The following CLNS1A variants were observed in gnomAD, a reference collection of about 807,000 sequenced individuals.
CLNS1A encodes the protein methylosome subunit pICln.
In CLNS1A, 16 loss-of-function variants were observed where a neutral mutation model predicts 29.4. That is an observed-to-expected ratio of 0.54 (90% CI 0.37 to 0.83). The LOEUF (loss-of-function observed/expected upper bound fraction) is 0.83. Ranked by LOEUF, CLNS1A falls within the 40% of genes least tolerant of loss-of-function variation. The pLI is 0.00. For missense variants in CLNS1A, 235 were observed against 287.4 expected, an observed-to-expected ratio of 0.82 and a Z score of 1.32; for synonymous variants, 96 against 104.8, an observed-to-expected ratio of 0.92 and a Z score of 0.51.
chr11:77,625,194 A>G, intron 3 of CLNS1A, 124 bp from the exon 4 acceptor site: 1 of 659,920 alleles, frequency 1.5e-6, no homozygotes, highest in Non-Finnish European at 2.7e-6. Flanking sequence ...TTGTAAGATC[A>G]ATCTTGAAAG....
In CLNS1A at chr11:77,614,776, C is replaced by A. The variant is rs1958894801; in HGVS notation, c.*1942G>T. 1 of 152,138 alleles carries A rather than the reference C, an allele frequency of 6.6e-6. No individual in the cohort carries two copies. The highest frequency in any genetic ancestry group is 2.4e-5 in the African/African-American group (1 of 41,374). 9.4% of individuals were successfully genotyped at this position (152,138 alleles called of 1,614,324 possible). A position where few individuals can be genotyped will look rare whatever the true frequency, so the allele number is the denominator to read the frequency against. The stretch of plus-strand genomic sequence containing the variant: ...AAATGTCTATGTACCTTTAAAGTGT[C>A]TCTACATCAGGAACACACAAAGAAA... On this transcript the variant is annotated 3_prime_UTR_variant, in exon 7 of 7. Coordinates refer to ENST00000525428, the MANE Select transcript of CLNS1A (RefSeq NM_001293.3).
At chr11:77,619,581 A>G (rs377556382) in intron 6 of CLNS1A, 25 bp downstream of exon 6, 1 of 1,345,334 alleles carries the variant, frequency 7.4e-7, no homozygotes, top group Non-Finnish European at 1.1e-6. Context: ...ATGATCAGCG[A>G]CAAGGGAGAA....
At position 77,619,677 on chromosome 11, in the gene CLNS1A, G is replaced by A; in HGVS notation, c.665C>T (p.Thr222Ile). 1 of 1,613,492 alleles carries A rather than the reference G, an allele frequency of 6.2e-7. No homozygotes were observed. The highest frequency in any genetic ancestry group is 8.5e-7 in the Non-Finnish European group (1 of 1,179,516). ...RDYEDGMEVDTTPTVAGQFED... is the reference protein window; with the variant it reads ...RDYEDGMEVDITPTVAGQFED... ...AAACTGTCCAGCAACTGTTGGTGTGGTATCCACCTCCATCCCATCTAAACA... is the reference window on the plus strand; with the variant it reads ...AAACTGTCCAGCAACTGTTGGTGTGATATCCACCTCCATCCCATCTAAACA... The change falls in exon 6 of 7, where the codon ACC becomes ATC. Residue 222 changes from threonine to isoleucine, a missense_variant. Physicochemically the swap from Thr to Ile is moderately conservative, Grantham distance 89. Transcript: ENST00000525428.
chr11:77,635,876 T>C (rs1959119823), intron 1 of CLNS1A, among the ~76,000 whole-genome samples: 1 of 152,222 alleles, frequency 6.6e-6, no homozygotes, highest in South Asian at 2.1e-4. Context: ...CTTCACATTT[T>C]GTTTTGACTG....
intron 6 of CLNS1A, chr11:77,618,419 C>T (rs1958925045): frequency 6.6e-6 from 1 of 152,158 alleles, no homozygotes; most frequent in South Asian, 2.1e-4. Context: ...GTGATGTGAA[C>T]ACATGATTTT....
intron 3 of CLNS1A, chr11:77,625,329 T>C (rs942696292): frequency 2.0e-6 from 1 of 500,292 alleles, no homozygotes. Flanking sequence ...ACTGCTGGCA[T>C]CAGGGTGAAG....
intron 2 of CLNS1A, among the ~76,000 whole-genome samples, chr11:77,629,230 GAATTCT>G (rs997709638): frequency 3.9e-5 from 6 of 152,214 alleles, no homozygotes; most frequent in African/African-American, 1.4e-4. Context: ...AATAAATGAA[GAATTCT>G]AAGTGTAAAT....
In CLNS1A at chr11:77,626,505, G is replaced by A. The variant is rs940601273; in HGVS notation, c.263-687C>T. Reference sequence around the variant, plus strand: ...AATACAAAAATTAGCAAGGCGTGGTGGCAGGCGCCTATAATCCCAGCTACT... The same window carrying A: ...AATACAAAAATTAGCAAGGCGTGGTAGCAGGCGCCTATAATCCCAGCTACT... On this transcript the variant is annotated intron_variant, in intron 2 of 6. Transcript: ENST00000525428. Among the ~76,000 whole-genome samples the A allele has an allele frequency of 4.6e-5, 7 of 152,116 alleles. No individual in the cohort carries two copies. In the East Asian group the frequency reaches 9.9e-4, roughly 21 times the overall value.
chr11:77,635,099 C>G (rs72945586), intron 1 of CLNS1A, among the ~76,000 whole-genome samples: 24,509 of 152,054 alleles, frequency 0.16, 2,355 homozygotes, highest in African/African-American at 0.24. Context: ...GCCACCTTGC[C>G]CAGGCTAAGA....
chr11:77,629,991 T>C (rs752110750), intron 1 of CLNS1A, 92 bp from the exon 2 acceptor site: 20 of 1,029,826 alleles, frequency 1.9e-5, no homozygotes, highest in African/African-American at 1.8e-4. Flanking sequence ...GACACCTTTA[T>C]GCATATAAAT....
intron 1 of CLNS1A, among the ~76,000 whole-genome samples, chr11:77,632,806 C>T (rs1188209890): frequency 3.3e-5 from 5 of 151,836 alleles, no homozygotes; most frequent in South Asian, 2.1e-4. Flanking sequence ...CATTATAAGC[C>T]GAGCGTGGTG....
chr11:77,634,620 A>C (rs895729790), intron 1 of CLNS1A, among the ~76,000 whole-genome samples: 9 of 149,606 alleles, frequency 6.0e-5, no homozygotes, highest in African/African-American at 2.2e-4. Flanking sequence ...GCTACTCAGG[A>C]GGCTGAGGCA....
intron 2 of CLNS1A, among the ~76,000 whole-genome samples, chr11:77,626,031 C>T (rs1292741587): frequency 6.6e-6 from 1 of 152,122 alleles, no homozygotes; most frequent in Non-Finnish European, 1.5e-5. Context: ...CTTGGCCTCC[C>T]AAAGTGCTCC....
At chr11:77,623,031 T>C (rs1435507739) in intron 4 of CLNS1A, among the ~76,000 whole-genome samples, 1 of 151,864 alleles carries the variant, frequency 6.6e-6, no homozygotes, top group Non-Finnish European at 1.5e-5. Flanking sequence ...GAACATTTAT[T>C]TATACACACA....
At chr11:77,625,593 A>C (rs1210585232) in intron 3 of CLNS1A, 124 bp downstream of exon 3, 5 of 773,150 alleles carry the variant, frequency 6.5e-6, no homozygotes, top group Non-Finnish European at 9.9e-6. Flanking sequence ...AATAAAGAAA[A>C]AGCAATAGAA....
intron 1 of CLNS1A, among the ~76,000 whole-genome samples, chr11:77,630,524 G>C (rs1273073078): frequency 6.6e-6 from 1 of 152,106 alleles, no homozygotes; most frequent in East Asian, 1.9e-4. Flanking sequence ...CCGCAAGTCA[G>C]GAAATAATTA....
In CLNS1A at chr11:77,616,116, CTCATTAATG is replaced by C. The variant is rs1958903891; in HGVS notation, c.*593_*601del. The C allele has an allele frequency of 6.6e-6, 1 of 152,160 alleles. No individual in the cohort carries two copies. Among genetic ancestry groups the C allele is most frequent in the African/African-American group, 2.4e-5 (1 of 41,430 alleles). 9.4% of individuals were successfully genotyped at this position (152,160 alleles called of 1,614,324 possible). On this transcript the variant is annotated 3_prime_UTR_variant, in exon 7 of 7. Transcript: ENST00000525428. ...CAGCATTATTTTTTAAAAAACATTTCTCATTAATGGTTTTAGTCAAGAATGAGAGCAAAG... is the reference window on the plus strand; with the variant it reads ...CAGCATTATTTTTTAAAAAACATTTCGTTTTAGTCAAGAATGAGAGCAAAG...
intron 6 of CLNS1A, among the ~76,000 whole-genome samples, chr11:77,617,598 GA>G (rs1413053343): frequency 6.6e-6 from 1 of 151,190 alleles, no homozygotes; most frequent in Non-Finnish European, 1.5e-5. Flanking sequence ...TCCAGATGAA[GA>G]ATATGTATAA....
At chr11:77,619,224 T>G (rs1285066186) in intron 6 of CLNS1A, among the ~76,000 whole-genome samples, 3 of 152,048 alleles carry the variant, frequency 2.0e-5, no homozygotes, top group Admixed American at 2.0e-4. Context: ...AGAAGAAAAA[T>G]TTTTTTAAAG....
Sources: gnomAD v4.1 joint callset for allele counts (sites outside exome capture counted in the v4.1 genomes callset) on GRCh38, gnomAD v4.1.1 for gene constraint, MANE v1.5 for transcripts, NCBI Gene and HGNC (gene_info 2026-07-23, HGNC 2026-07-21) for gene names.